HOATZ: variants seen among roughly 807,000 people sequenced by gnomAD.
HOATZ encodes the protein cilia- and flagella-associated protein HOATZ.
A neutral mutation model predicts 24.9 loss-of-function variants in HOATZ; 26 were observed. The ratio of observed to expected loss-of-function variants is 1.04; its 90% confidence interval spans 0.76 to 1.45. The LOEUF is 1.45. Ranked by LOEUF, HOATZ falls within the 40% of genes most tolerant of loss-of-function variation. The probability of loss-of-function intolerance (pLI) is 0.00; values close to 1 mark genes in which losing one functional copy is unlikely to be tolerated. For missense variants in HOATZ, 226 were observed against 201.5 expected, an observed-to-expected ratio of 1.12 and a Z score of -0.74; for synonymous variants, 83 against 76.6, an observed-to-expected ratio of 1.08 and a Z score of -0.43.
At chr11:111,516,154 C>A in intron 3 of HOATZ, 44 bp downstream of exon 3, 2 of 1,221,876 alleles carry the variant, frequency 1.6e-6, no homozygotes, top group South Asian at 1.4e-5. Flanking sequence ...CATTAAATTT[C>A]TAAATAATCT....
intron 3 of HOATZ, among the ~76,000 whole-genome samples, chr11:111,526,393 G>A (rs943462461): frequency 6.6e-6 from 1 of 152,200 alleles, no homozygotes; most frequent in Non-Finnish European, 1.5e-5. Flanking sequence ...GAGGTGATGC[G>A]ATGTGAATTA....
intron 3 of HOATZ, among the ~76,000 whole-genome samples, chr11:111,517,265 G>A (rs1326721657): frequency 6.6e-6 from 1 of 152,168 alleles, no homozygotes; most frequent in African/African-American, 2.4e-5. Flanking sequence ...TAGGGAGGGG[G>A]AAAGCCTAAT....
chr11:111,536,811 T>C lies in HOATZ; in HGVS notation c.494T>C (p.Val165Ala), dbSNP rs759038573. Reference sequence around the variant, plus strand: ...TCAGATAAAGAGGACCAAGAAGAAGTCAAAACTTTGGACTAATTTGCTTGA... The same window carrying C: ...TCAGATAAAGAGGACCAAGAAGAAGCCAAAACTTTGGACTAATTTGCTTGA... ...SESDKEDQEE[V>A]KTLD Residue 165 changes from valine (V) to alanine (A), a missense_variant, in exon 6 of 6, where the codon GTC (valine) becomes GCC (alanine). Physicochemically the swap from Val to Ala is moderately conservative, Grantham distance 64. Coordinates refer to ENST00000375618, the MANE Select transcript of HOATZ (RefSeq NM_001100388.2). The C allele has an allele frequency of 8.7e-6, 14 of 1,613,646 alleles. No homozygotes were observed. In the South Asian group the frequency reaches 1.5e-4, roughly 18 times the overall value.
chr11:111,523,768 C>T (rs1359948026), intron 3 of HOATZ, among the ~76,000 whole-genome samples: 6 of 152,160 alleles, frequency 3.9e-5, no homozygotes, highest in African/African-American at 1.4e-4. Flanking sequence ...CCTGAAAATG[C>T]CTTTCTCTCA....
At chr11:111,528,777 A>G (rs558896921) in intron 3 of HOATZ, among the ~76,000 whole-genome samples, 6 of 152,356 alleles carry the variant, frequency 3.9e-5, no homozygotes, top group South Asian at 4.1e-4. Flanking sequence ...TTTTTAGAGT[A>G]AAGATTGAAT....
At chr11:111,529,492 T>G (rs2135780709) in intron 3 of HOATZ, among the ~76,000 whole-genome samples, 1 of 152,110 alleles carries the variant, frequency 6.6e-6, no homozygotes, top group Admixed American at 6.5e-5. Flanking sequence ...GCCTCCCGAG[T>G]TGCTGGGACT....
At chr11:111,520,607 A>C (rs1867258084) in intron 3 of HOATZ, among the ~76,000 whole-genome samples, 1 of 152,228 alleles carries the variant, frequency 6.6e-6, no homozygotes, top group Non-Finnish European at 1.5e-5. Flanking sequence ...ACATTACAGT[A>C]GTCCTCCTTC....
chr11:111,533,019 T>C (rs1867410248), intron 3 of HOATZ, among the ~76,000 whole-genome samples: 1 of 152,232 alleles, frequency 6.6e-6, no homozygotes, highest in Non-Finnish European at 1.5e-5. Context: ...TATATATTGA[T>C]AAATCTTCAT....
chr11:111,522,071 C>T (rs1408875340), intron 3 of HOATZ, among the ~76,000 whole-genome samples: 5 of 145,882 alleles, frequency 3.4e-5, no homozygotes, highest in Admixed American at 6.7e-5. Context: ...GGACATTCTC[C>T]AAATGCATCT....
At chr11:111,531,024 A>G (rs1344784622) in intron 3 of HOATZ, among the ~76,000 whole-genome samples, 4 of 152,206 alleles carry the variant, frequency 2.6e-5, no homozygotes, top group Non-Finnish European at 4.4e-5. Context: ...CTTGAAGTCA[A>G]GGAAAAAAAT....
chr11:111,527,717 G>T (rs1282800048), intron 3 of HOATZ, among the ~76,000 whole-genome samples: 1 of 152,198 alleles, frequency 6.6e-6, no homozygotes, highest in Non-Finnish European at 1.5e-5. Flanking sequence ...CAACATAGCA[G>T]ATTTCAGTTA....
At chr11:111,527,539 G>T (rs1867352496) in intron 3 of HOATZ, among the ~76,000 whole-genome samples, 2 of 152,138 alleles carry the variant, frequency 1.3e-5, no homozygotes, top group Admixed American at 6.5e-5. Context: ...CACTCCCATA[G>T]ATTACTATAG....
intron 4 of HOATZ, 58 bp from the exon 5 acceptor site, chr11:111,534,354 C>G: frequency 8.1e-7 from 1 of 1,230,698 alleles, no homozygotes; most frequent in Non-Finnish European, 1.2e-6. Context: ...TGAGTAAATT[C>G]CAATCAGTGC....
chr11:111,529,420 G>A (rs1170698854), intron 3 of HOATZ, among the ~76,000 whole-genome samples: 1 of 152,036 alleles, frequency 6.6e-6, no homozygotes, highest in East Asian at 1.9e-4. Context: ...CTGGAGTGCA[G>A]TGGTGCAATC....
intron 5 of HOATZ, chr11:111,535,344 C>G (rs1867439522): frequency 6.6e-6 from 1 of 152,216 alleles, no homozygotes; most frequent in Admixed American, 6.5e-5. Flanking sequence ...TTAGCTTCCA[C>G]AGATGAAGCA....
chr11:111,533,846 G>A, intron 4 of HOATZ, 41 bp downstream of exon 4: 2 of 1,447,952 alleles, frequency 1.4e-6, no homozygotes, highest in Non-Finnish European at 1.8e-6. Flanking sequence ...CTATCTGAGT[G>A]GATGAATTGT....
chr11:111,515,903 T>TTA, intron 2 of HOATZ, 137 bp from the exon 3 acceptor site: 2 of 607,762 alleles, frequency 3.3e-6, no homozygotes, highest in Admixed American at 3.3e-5. Flanking sequence ...TTTGTAAAGT[T>TTA]CCAATACACC....
chr11:111,518,310 G>A (rs1832277204), intron 3 of HOATZ, among the ~76,000 whole-genome samples: 1 of 152,080 alleles, frequency 6.6e-6, no homozygotes, highest in Non-Finnish European at 1.5e-5. Flanking sequence ...GCACTATCTA[G>A]TACAATTCAA....
chr11:111,528,992 T>C (rs1260524128), intron 3 of HOATZ, among the ~76,000 whole-genome samples: 4 of 152,226 alleles, frequency 2.6e-5, no homozygotes, highest in Non-Finnish European at 4.4e-5. Context: ...TTACGTGGTT[T>C]AGTTTCTTCT....
Sources: allele counts gnomAD v4.1 joint callset (sites outside exome capture counted in the v4.1 genomes callset), GRCh38; gene constraint gnomAD v4.1.1; transcripts MANE v1.5; gene names NCBI Gene and HGNC (gene_info 2026-07-23, HGNC 2026-07-21).